NCK2: variants seen among roughly 807,000 people sequenced by gnomAD.
NCK2 encodes NCK adaptor protein 2.
Under a neutral mutation model 33.9 loss-of-function variants are expected in NCK2, and 16 were observed. The ratio of observed to expected loss-of-function variants is 0.47; its 90% CI spans 0.32 to 0.72. The LOEUF is 0.72. Among genes scored for constraint, NCK2 ranks in the 30% least tolerant of loss-of-function variants. NCK2 has a pLI of 0.03. For synonymous variants in NCK2, 273 were observed against 239.9 expected (o/e 1.14, Z -1.27); for missense variants, 418 against 537.3 (o/e 0.78, Z 2.19).
chr2:105,783,904 A>G (rs1288092519), intron 1 of NCK2, among the ~76,000 whole-genome samples: 1 of 151,940 alleles, frequency 6.6e-6, no homozygotes, highest in Non-Finnish European at 1.5e-5. Context: ...TGAAATGTGG[A>G]TATATTTGGA....
In NCK2 at chr2:105,893,416, C is replaced by A; in HGVS notation, c.*240C>A. 1 of 465,800 alleles carries A rather than the reference C, an allele frequency of 2.1e-6. No homozygotes were observed. The highest frequency in any genetic ancestry group is 3.5e-5 in the South Asian group (1 of 28,280). 28.9% of individuals were successfully genotyped at this position (465,800 alleles called of 1,614,324 possible). On this transcript the variant is annotated 3_prime_UTR_variant, in exon 5 of 5. Transcript: ENST00000233154. ...GGAGCAGGGCGAGTTCACATTATTC[C>A]TTTTCCATCGGAAGTGGCGCTCGTG...
At chr2:105,815,085 G>T (rs948996364) in intron 1 of NCK2, among the ~76,000 whole-genome samples, 3 of 152,146 alleles carry the variant, frequency 2.0e-5, no homozygotes, top group Admixed American at 6.5e-5. Flanking sequence ...CTTCCATCTC[G>T]AGAGGACCTG....
At chr2:105,890,003 G>A (rs1380886421) in intron 4 of NCK2, among the ~76,000 whole-genome samples, 1 of 152,072 alleles carries the variant, frequency 6.6e-6, no homozygotes, top group East Asian at 1.9e-4. Context: ...GGTGTTCAGT[G>A]GTCATATGTA....
intron 1 of NCK2, among the ~76,000 whole-genome samples, chr2:105,763,567 A>G (rs1205651527): frequency 6.6e-6 from 1 of 151,142 alleles, no homozygotes; most frequent in Non-Finnish European, 1.5e-5. Context: ...TCAATTTGTT[A>G]GTTGAAAAAA....
At chr2:105,789,555 G>A (rs1690803052) in intron 1 of NCK2, among the ~76,000 whole-genome samples, 1 of 152,168 alleles carries the variant, frequency 6.6e-6, no homozygotes, top group Non-Finnish European at 1.5e-5. Context: ...GTTCTTTCTA[G>A]TTGAAGAGAT....
At position 105,882,002 on chromosome 2, in the gene NCK2, G is replaced by C; in HGVS notation, c.901G>C (p.Glu301Gln). The change falls in exon 4 of 5, where the codon GAG (glutamate) becomes CAG (glutamine). Residue 301 changes from glutamate to glutamine, a missense_variant. Coordinates refer to ENST00000233154, the MANE Select transcript of NCK2 (RefSeq NM_003581.5). ...TRHQAECALN[E>Q]RGVEGDFLIR... Reference sequence around the variant, plus strand: ...GCACCAGGCCGAGTGCGCCCTCAACGAGCGGGGCGTGGAGGGCGACTTCCT... The same window carrying C: ...GCACCAGGCCGAGTGCGCCCTCAACCAGCGGGGCGTGGAGGGCGACTTCCT... 1 of 1,509,370 alleles carries C rather than the reference G, an allele frequency of 6.6e-7. No homozygotes were observed. Among genetic ancestry groups the C allele is most frequent in the Non-Finnish European group, 8.9e-7 (1 of 1,128,618 alleles). 93.5% of individuals were successfully genotyped at this position (1,509,370 alleles called of 1,614,324 possible).
chr2:105,854,832 T>G, intron 2 of NCK2: 1 of 469,174 alleles, frequency 2.1e-6, no homozygotes. Flanking sequence ...CAGCAAACAG[T>G]AACATAAGAT....
chr2:105,845,146 T>C (rs1676806942), intron 2 of NCK2, among the ~76,000 whole-genome samples: 1 of 152,176 alleles, frequency 6.6e-6, no homozygotes. Flanking sequence ...CTTAGGAATG[T>C]GGGCATAAAC....
At chr2:105,860,827 G>T (rs1677498239) in intron 3 of NCK2, among the ~76,000 whole-genome samples, 1 of 150,382 alleles carries the variant, frequency 6.6e-6, no homozygotes, top group Non-Finnish European at 1.5e-5. Context: ...TGCCTCTCAT[G>T]CTTGGATTAA....
At chr2:105,759,794 C>T (rs2104350704) in intron 1 of NCK2, among the ~76,000 whole-genome samples, 1 of 152,280 alleles carries the variant, frequency 6.6e-6, no homozygotes, top group East Asian at 1.9e-4. Flanking sequence ...AATGGCTTGA[C>T]AGCTTTGAGG....
intron 2 of NCK2, among the ~76,000 whole-genome samples, chr2:105,821,865 A>G (rs1323695444): frequency 6.7e-6 from 1 of 149,092 alleles, no homozygotes; most frequent in Non-Finnish European, 1.5e-5. Context: ...GTCCCCATCT[A>G]TTAACAGCAG....
At chr2:105,765,282 T>G (rs1455514165) in intron 1 of NCK2, among the ~76,000 whole-genome samples, 1 of 152,204 alleles carries the variant, frequency 6.6e-6, no homozygotes, top group Non-Finnish European at 1.5e-5. Flanking sequence ...GTCACTGCTG[T>G]TTTGAAAACA....
intron 2 of NCK2, among the ~76,000 whole-genome samples, chr2:105,847,754 A>G (rs1331032634): frequency 6.6e-6 from 1 of 152,204 alleles, no homozygotes; most frequent in Non-Finnish European, 1.5e-5. Flanking sequence ...ATGAACAACA[A>G]ATAGTTTAAA....
intron 1 of NCK2, among the ~76,000 whole-genome samples, chr2:105,761,714 C>G (rs887354108): frequency 5.9e-5 from 9 of 152,046 alleles, no homozygotes; most frequent in Non-Finnish European, 5.9e-5. Flanking sequence ...CCTGTCTCTA[C>G]AAGAAATACA....
intron 1 of NCK2, among the ~76,000 whole-genome samples, chr2:105,802,837 C>G (rs1573610281): frequency 1.3e-5 from 2 of 151,868 alleles, no homozygotes; most frequent in East Asian, 3.9e-4. Flanking sequence ...GATGACTGAT[C>G]ATCTGGAATT....
At chr2:105,746,673 A>C (rs1689298346) in intron 1 of NCK2, among the ~76,000 whole-genome samples, 1 of 152,232 alleles carries the variant, frequency 6.6e-6, no homozygotes, top group African/African-American at 2.4e-5. Flanking sequence ...TGGGCTAGAC[A>C]TGGAGGTTTT....
At chr2:105,857,393 AG>A (rs1321319119) in intron 3 of NCK2, among the ~76,000 whole-genome samples, 2 of 152,214 alleles carry the variant, frequency 1.3e-5, no homozygotes, top group Non-Finnish European at 2.9e-5. Context: ...CGTCGGTTCG[AG>A]TAGGCCAATC....
intron 1 of NCK2, among the ~76,000 whole-genome samples, chr2:105,749,417 G>A (rs1178600637): frequency 2.0e-5 from 3 of 152,166 alleles, no homozygotes; most frequent in African/African-American, 4.8e-5. Context: ...ATGCATGCAC[G>A]CTCATTCATT....
At chr2:105,778,028 C>A (rs1690369903) in intron 1 of NCK2, among the ~76,000 whole-genome samples, 1 of 152,178 alleles carries the variant, frequency 6.6e-6, no homozygotes, top group South Asian at 2.1e-4. Flanking sequence ...GCCTTTTCTC[C>A]TCACCTTCTT....
Sources: gnomAD v4.1 joint callset for allele counts (sites outside exome capture counted in the v4.1 genomes callset) on GRCh38, gnomAD v4.1.1 for gene constraint, MANE v1.5 for transcripts, NCBI Gene and HGNC (gene_info 2026-07-23, HGNC 2026-07-21) for gene names.